The following JAK2 variants were observed in gnomAD, a reference collection of about 807,000 sequenced individuals.
JAK2 encodes tyrosine-protein kinase JAK2.
In JAK2, 86 loss-of-function variants were observed where a neutral mutation model predicts 139.3. The observed-to-expected ratio is 0.62, with a 90% CI of 0.52 to 0.74. The LOEUF (loss-of-function observed/expected upper bound fraction) is 0.74, where lower values mean the gene tolerates loss of function less well. Among genes scored for constraint, JAK2 ranks in the 30% least tolerant of loss-of-function variants. The pLI, the probability that JAK2 is intolerant of heterozygous loss-of-function variation, is 0.00. For missense variants in JAK2, 1,421 were observed against 1,360.3 expected (o/e 1.04, Z -0.70); for synonymous variants, 490 against 437.7 (o/e 1.12, Z -1.49).
intron 3 of JAK2, among the ~76,000 whole-genome samples, chr9:5,026,627 G>C (rs1001473759): frequency 6.6e-6 from 1 of 152,152 alleles, no homozygotes; most frequent in South Asian, 2.1e-4. Context: ...ATTGAAGTGT[G>C]GTTAGAGAAC....
chr9:5,086,087 C>G (rs1351719645), intron 19 of JAK2: 18 of 636,290 alleles, frequency 2.8e-5, no homozygotes, highest in Non-Finnish European at 4.7e-5. Flanking sequence ...AGTCAAGTCC[C>G]TTCTGCCTAT....
Position 5,064,760 on chromosome 9 carries a change from C to A in JAK2, c.1057-123C>A, listed in dbSNP as rs1563969527. On this transcript the variant is annotated intron_variant, in intron 8 of 24. Coordinates refer to ENST00000381652, the MANE Select transcript of JAK2 (RefSeq NM_004972.4). ...TTTGTAATTCATATTGAGTACTGAG[C>A]CATAAAAGATATGAGCAATTTAGAA... 5 of 614,460 alleles carry A rather than the reference C, an allele frequency of 8.1e-6. No homozygotes were observed. The South Asian group carries it at 1.3e-4, about 16-fold the overall frequency. 38.1% of individuals were successfully genotyped at this position (614,460 alleles called of 1,614,324 possible). A position where few individuals can be genotyped will look rare whatever the true frequency, so the allele number is the denominator to read the frequency against.
At chr9:5,113,371 AT>A (rs1236886331) in intron 22 of JAK2, among the ~76,000 whole-genome samples, 1 of 149,914 alleles carries the variant, frequency 6.7e-6, no homozygotes, top group Non-Finnish European at 1.5e-5. Context: ...CCAGCAGCAA[AT>A]TGTGCCTAAG....
intron 8 of JAK2, among the ~76,000 whole-genome samples, chr9:5,064,657 G>T (rs1818442589): frequency 1.3e-5 from 2 of 152,184 alleles, no homozygotes; most frequent in African/African-American, 4.8e-5. Flanking sequence ...AAAGTAAAAT[G>T]ATGGCTATAG....
rs77375493 is a variant in JAK2 at position 5,073,770 on chromosome 9, G to C, written c.1849G>C (p.Val617Leu). 1 of 1,606,494 alleles carries C rather than the reference G, an allele frequency of 6.2e-7. No individual in the cohort carries two copies. The highest frequency in any genetic ancestry group is 8.5e-7 in the Non-Finnish European group (1 of 1,173,888). ...KHLVLNYGVC[V>L]CGDENILVQE... ...TTTGGTTTTAAATTATGGAGTATGT[G>C]TCTGTGGAGACGAGAGTAAGTAAAA... Residue 617 changes from valine (V) to leucine (L), a missense_variant, in exon 14 of 25, where the codon GTC becomes CTC. Val to Leu is a conservative substitution (Grantham distance 32, BLOSUM62 1). Transcript: ENST00000381652.
Position 5,069,222 on chromosome 9 carries a change from C to G in JAK2, c.1513+14C>G, listed in dbSNP as rs750704729. The G allele has an allele frequency of 6.4e-7, 1 of 1,566,400 alleles. No homozygotes were observed. The highest frequency in any genetic ancestry group is 1.2e-5 in the South Asian group (1 of 86,614). On this transcript the variant is annotated intron_variant, in intron 11 of 24. Transcript: ENST00000381652. The stretch of plus-strand genomic sequence containing the variant: ...CAAAGCCAAAAGGTAAGATAATTTT[C>G]TAGTTATTTTTAAATTACTGGTCAT...
chr9:5,044,187 G>A (rs1421982208), intron 4 of JAK2, among the ~76,000 whole-genome samples: 1 of 152,136 alleles, frequency 6.6e-6, no homozygotes, highest in Non-Finnish European at 1.5e-5. Context: ...ACTGAAGGAG[G>A]TAGTATATTG....
intron 3 of JAK2, among the ~76,000 whole-genome samples, chr9:5,027,372 A>G (rs575385109): frequency 6.6e-6 from 1 of 152,326 alleles, no homozygotes; most frequent in Admixed American, 6.5e-5. Flanking sequence ...AAAAAAGTAC[A>G]TACCTTAATT....
At position 5,093,021 on chromosome 9, in the gene JAK2, T is replaced by A. The variant is rs139493317; in HGVS notation, c.3059+2110T>A. Among the ~76,000 whole-genome samples, 450 of 152,268 alleles carry A rather than the reference T, an allele frequency of 3.0e-3. 2 individuals carry two copies. Among genetic ancestry groups the A allele is most frequent in the African/African-American group, 9.7e-3 (405 of 41,556 alleles). Reference sequence around the variant, plus strand: ...AAGCTCAACATCCAAGTATCTTAAATTCTAATCACTCTACGGAACTCCTAA... The same window carrying A: ...AAGCTCAACATCCAAGTATCTTAAAATCTAATCACTCTACGGAACTCCTAA... On this transcript the variant is annotated intron_variant, in intron 22 of 24. Coordinates refer to ENST00000381652, the MANE Select transcript of JAK2 (RefSeq NM_004972.4).
At chr9:5,085,426 A>C (rs1016085549) in intron 19 of JAK2, 9 of 749,576 alleles carry the variant, frequency 1.2e-5, no homozygotes, top group South Asian at 1.3e-5. Flanking sequence ...ACTGTTGGCT[A>C]TCAGGCTCGC....
intron 4 of JAK2, among the ~76,000 whole-genome samples, chr9:5,042,199 G>T (rs1385962073): frequency 1.4e-5 from 2 of 146,992 alleles, no homozygotes; most frequent in Non-Finnish European, 3.0e-5. Context: ...CTGCAGTGGC[G>T]CAATCTCGGC....
At chr9:5,091,436 C>G (rs185517858) in intron 22 of JAK2, 1 of 152,064 alleles carries the variant, frequency 6.6e-6, no homozygotes, top group Non-Finnish European at 1.5e-5. Flanking sequence ...GTGGTGATCA[C>G]GGTTGATTTT....
At position 5,126,874 on chromosome 9, in the gene JAK2, T is replaced by C. The variant is rs1586848982; in HGVS notation, c.*83T>C. 1 of 684,156 alleles carries C rather than the reference T, an allele frequency of 1.5e-6. No individual in the cohort carries two copies. The highest frequency in any genetic ancestry group is 2.9e-5 in the East Asian group (1 of 34,194). The allele number at this position is 684,156 out of a possible 1,614,324, so 42.4% of individuals were successfully genotyped here. ...CACATTGCTGTGGACTATTATTACATATATCATTATTATATAAATCATGAT... is the reference window on the plus strand; with the variant it reads ...CACATTGCTGTGGACTATTATTACACATATCATTATTATATAAATCATGAT... On this transcript the variant is annotated 3_prime_UTR_variant, in exon 25 of 25. Coordinates refer to ENST00000381652, the MANE Select transcript of JAK2 (RefSeq NM_004972.4).
Position 5,090,497 on chromosome 9 carries a change from G to C in JAK2, c.2813G>C (p.Arg938Pro). ...GAATATTTACCATATGGAAGTTTACGAGACTATCTTCAAAAACATAAAGAA... is the reference window on the plus strand; with the variant it reads ...GAATATTTACCATATGGAAGTTTACCAGACTATCTTCAAAAACATAAAGAA... Reference protein sequence around the residue: ...IMEYLPYGSLRDYLQKHKERI... With the variant: ...IMEYLPYGSLPDYLQKHKERI... The change falls in exon 21 of 25, where the codon CGA becomes CCA. Residue 938 changes from arginine to proline, a missense_variant. Physicochemically the swap from Arg to Pro is moderately radical, Grantham distance 103. Transcript: ENST00000381652. The C allele has an allele frequency of 1.3e-6, 2 of 1,588,626 alleles. No individual in the cohort carries two copies. The highest frequency in any genetic ancestry group is 1.7e-6 in the Non-Finnish European group (2 of 1,166,888).
chr9:4,984,964 A>C (rs1819856867), upstream of JAK2: 1 of 152,238 alleles, frequency 6.6e-6, no homozygotes, highest in African/African-American at 2.4e-5. Context: ...CGGCTTCCCG[A>C]GAGGCAGCTG....
At chr9:5,075,255 C>G (rs10974948) in intron 14 of JAK2, among the ~76,000 whole-genome samples, 112 of 152,098 alleles carry the variant, frequency 7.4e-4, no homozygotes, top group African/African-American at 2.5e-3. Context: ...GAAGATCTAG[C>G]AAGGACCATT....
intron 2 of JAK2, among the ~76,000 whole-genome samples, chr9:4,992,064 T>C (rs1820287758): frequency 6.6e-6 from 1 of 152,190 alleles, no homozygotes; most frequent in Admixed American, 6.5e-5. Flanking sequence ...ACTTTGTTTT[T>C]GCTCCACAAT....
intron 14 of JAK2, among the ~76,000 whole-genome samples, chr9:5,075,865 T>G (rs375743227): frequency 6.6e-6 from 1 of 152,124 alleles, no homozygotes; most frequent in Admixed American, 6.5e-5. Flanking sequence ...GAAAAACTTA[T>G]GGAAAGGATT....
chr9:5,077,624 A>C, intron 15 of JAK2, 44 bp downstream of exon 15: 1 of 1,215,624 alleles, frequency 8.2e-7, no homozygotes, highest in Non-Finnish European at 1.1e-6. Flanking sequence ...ATTTTATTTT[A>C]TAAAACAATA....
Sources: allele counts gnomAD v4.1 joint callset (sites outside exome capture counted in the v4.1 genomes callset), GRCh38; gene constraint gnomAD v4.1.1; transcripts MANE v1.5; gene names NCBI Gene and HGNC (gene_info 2026-07-23, HGNC 2026-07-21).